Variants in STARD8 observed in about 807,000 individuals in gnomAD.
STARD8 encodes the protein StAR related lipid transfer domain containing 8, also known as stAR-related lipid transfer protein 8.
A neutral mutation model predicts 69.4 loss-of-function variants in STARD8; 25 were observed. That is an observed-to-expected ratio of 0.36 (90% CI 0.26 to 0.50). The LOEUF (loss-of-function observed/expected upper bound fraction) is 0.50, where lower values mean the gene tolerates loss of function less well. STARD8 is among the 20% of genes least tolerant of loss of function. The pLI is 0.96. For synonymous variants in STARD8, 389 were observed against 374.6 expected (o/e 1.04, Z -0.45); for missense variants, 921 against 932.5 (o/e 0.99, Z 0.16).
chrX:68,697,755 A>T (rs1445013657), intron 2 of STARD8, among the ~76,000 whole-genome samples: 1 of 112,185 alleles, frequency 8.9e-6, no homozygotes, highest in Non-Finnish European at 1.9e-5. Context: ...GACTTCCTCC[A>T]TATCCGGGCC....
chrX:68,704,876 G>C (rs756189019), intron 2 of STARD8, among the ~76,000 whole-genome samples: 1 of 111,882 alleles, frequency 8.9e-6, no homozygotes, highest in Non-Finnish European at 1.9e-5. Flanking sequence ...TTCAGACAGA[G>C]GTAATGGCTT....
rs959542103 is a variant in STARD8 at position 68,657,744 on chromosome X, C to T, written c.46-7755C>T. On this transcript the variant is annotated intron_variant, in intron 1 of 14. Transcript: ENST00000374599. ...ACCCCTCTGCCAAATTTGCCTGATC[C>T]GAAGCTCCTAACCCTTGCCCCATCA... Among the ~76,000 whole-genome samples, 10 of 109,740 alleles carry T rather than the reference C, an allele frequency of 9.1e-5. No homozygotes were observed. In the East Asian group the frequency reaches 2.0e-3, roughly 22 times the overall value.
intron 2 of STARD8, among the ~76,000 whole-genome samples, chrX:68,709,263 G>T (rs2080031581): frequency 8.9e-6 from 1 of 112,348 alleles, no homozygotes. Flanking sequence ...AGCAATTGCA[G>T]CCTCTTTGAA....
In STARD8 at chrX:68,722,494, C is replaced by G; in HGVS notation, c.2647C>G (p.Leu883Val). The change falls in exon 12 of 15, where the codon CTG (leucine) becomes GTG (valine). Residue 883 changes from leucine to valine, a missense_variant. Leu to Val is a conservative substitution (Grantham distance 32). Transcript: ENST00000374599. The stretch of plus-strand genomic sequence containing the variant: ...TGAGCTCAGCCCTCCCGGCCCAGCC[C>G]TGGCTGAGCTGCGTCAGGCCCAAGC... ...AAELSPPGPA[L>V]AELRQAQAAG... is the part of the protein sequence containing the mutation. 8.3e-7 allele frequency: 1 copy of G among 1,211,139 alleles called. No homozygotes were observed. Among genetic ancestry groups the G allele is most frequent in the Non-Finnish European group, 1.1e-6 (1 of 895,332 alleles).
At chrX:68,662,769 C>A (rs910426046) in intron 1 of STARD8, among the ~76,000 whole-genome samples, 1 of 111,857 alleles carries the variant, frequency 8.9e-6, no homozygotes, top group Non-Finnish European at 1.9e-5. Flanking sequence ...AATGTGCCCC[C>A]ACTCCCAGCA....
chrX:68,665,355 C>T (rs1226694713), intron 1 of STARD8, 144 bp from the exon 2 acceptor site: 2 of 665,385 alleles, frequency 3.0e-6, no homozygotes, highest in Non-Finnish European at 4.6e-6. Flanking sequence ...TTGCTCCTTA[C>T]TTCATTTTCC....
intron 2 of STARD8, among the ~76,000 whole-genome samples, chrX:68,701,229 G>A (rs1602588957): frequency 8.9e-6 from 1 of 112,641 alleles, no homozygotes; most frequent in Admixed American, 9.3e-5. Flanking sequence ...TAAATTCTTG[G>A]CAAATTTTAA....
rs1422204111 is a variant in STARD8 at position 68,721,115 on chromosome X, C to A, written c.2241C>A (p.Ile747=). 8.3e-7 allele frequency: 1 copy of A among 1,209,969 alleles called. No individual in the cohort carries two copies. Among genetic ancestry groups the A allele is most frequent in the Non-Finnish European group, 1.1e-6 (1 of 895,144 alleles). Reference sequence around the variant, plus strand: ...AGCTCACCACCACTTTCCTCCAGATCTACCAGCGTGAGTCGCCCACTCCTA... The same window carrying A: ...AGCTCACCACCACTTTCCTCCAGATATACCAGCGTGAGTCGCCCACTCCTA... ...TSKLTTTFLQ[I]YQLLPKDQWL... Residue 747 remains isoleucine, a synonymous_variant, in exon 9 of 15, where the codon ATC becomes ATA. Transcript: ENST00000374599.
At chrX:68,693,633 C>G (rs1370723024) in intron 2 of STARD8, 2 of 753,354 alleles carry the variant, frequency 2.7e-6, no homozygotes, top group Non-Finnish European at 3.1e-6. Flanking sequence ...CGCTCCCTCC[C>G]CACTTGAGCT....
In STARD8 at chrX:68,722,578, G is replaced by A. The variant is rs746095521; in HGVS notation, c.2731G>A (p.Ala911Thr). The A allele has an allele frequency of 8.3e-7, 1 of 1,212,013 alleles. No individual in the cohort carries two copies. The highest frequency in any genetic ancestry group is 1.1e-6 in the Non-Finnish European group (1 of 895,622). Residue 911 changes from alanine (A) to threonine (T), a missense_variant, in exon 12 of 15, where the codon GCT becomes ACT. By Grantham distance (58) the Ala-to-Thr change is moderately conservative. Transcript: ENST00000374599. ...GAATATCCAGGACCTGCTGCGTGATGCTGCTGAGCGCTTCAAGGGCTGGAT... is the reference window on the plus strand; with the variant it reads ...GAATATCCAGGACCTGCTGCGTGATACTGCTGAGCGCTTCAAGGGCTGGAT... Reference protein sequence around the residue: ...EENIQDLLRDAAERFKGWMSV... With the variant: ...EENIQDLLRDTAERFKGWMSV...
intron 9 of STARD8, 140 bp from the exon 10 acceptor site, chrX:68,721,396 C>T (rs1429134366): frequency 2.2e-5 from 14 of 649,462 alleles, no homozygotes; most frequent in Non-Finnish European, 2.3e-6. Flanking sequence ...ACCCAGAGAC[C>T]TCACAGAACT....
At chrX:68,701,479 C>T (rs761502626) in intron 2 of STARD8, among the ~76,000 whole-genome samples, 25 of 112,951 alleles carry the variant, frequency 2.2e-4, no homozygotes, top group Admixed American at 1.9e-4. Flanking sequence ...GCTCATCACA[C>T]GCACCAGTGA....
chrX:68,682,688 G>C (rs1454803645), intron 2 of STARD8, among the ~76,000 whole-genome samples: 3 of 112,698 alleles, frequency 2.7e-5, no homozygotes, highest in African/African-American at 9.7e-5. Flanking sequence ...GCTGAGGATA[G>C]AGTCAGGCAC....
chrX:68,650,487 AGGAGG>A (rs1241105863), intron 1 of STARD8, among the ~76,000 whole-genome samples: 1 of 60,574 alleles, frequency 1.7e-5, no homozygotes, highest in African/African-American at 4.7e-4. Flanking sequence ...GGAGGGGAGG[AGGAGG>A]AGGAGGAGGA....
At position 68,691,898 on chromosome X, in the gene STARD8, A is replaced by T. The variant is rs745958197; in HGVS notation, c.80-21016A>T. 8.9e-5 allele frequency among the ~76,000 whole-genome samples: 10 copies of T among 112,782 alleles called. No individual in the cohort carries two copies. In the Admixed American group the frequency reaches 9.4e-4, roughly 11 times the overall value. On this transcript the variant is annotated intron_variant, in intron 2 of 14. Coordinates refer to ENST00000374599, the MANE Select transcript of STARD8 (RefSeq NM_001142503.3). ...TCATTTATTTTTGGTTGTGCTTTGA[A>T]TATCTTTCAACATTTGTTCATTCAT...
intron 1 of STARD8, among the ~76,000 whole-genome samples, chrX:68,660,823 G>T (rs903262666): frequency 2.7e-5 from 3 of 112,594 alleles, no homozygotes; most frequent in Non-Finnish European, 5.6e-5. Flanking sequence ...GCTCCAGAGG[G>T]CTCATGAGAG....
chrX:68,691,949 T>C (rs1256912087), intron 2 of STARD8, among the ~76,000 whole-genome samples: 1 of 112,867 alleles, frequency 8.9e-6, no homozygotes, highest in Non-Finnish European at 1.9e-5. Flanking sequence ...AGGAAAGTAC[T>C]GTAAGCACTG....
At chrX:68,695,926 A>G (rs1434574409) in intron 2 of STARD8, among the ~76,000 whole-genome samples, 1 of 112,094 alleles carries the variant, frequency 8.9e-6, no homozygotes, top group Non-Finnish European at 1.9e-5. Flanking sequence ...GGAAGCTGTC[A>G]CAGCTGCAGC....
chrX:68,652,871 ACCCACACC>A (rs1779023903), intron 1 of STARD8, among the ~76,000 whole-genome samples: 1 of 1,762 alleles, frequency 5.7e-4, no homozygotes, highest in Non-Finnish European at 1.0e-3. Context: ...ACACACACAC[ACCCACACC>A]CCACACACAC....
Sources: gnomAD v4.1 joint callset for allele counts (sites outside exome capture counted in the v4.1 genomes callset) on GRCh38, gnomAD v4.1.1 for gene constraint, MANE v1.5 for transcripts, NCBI Gene and HGNC (gene_info 2026-07-23, HGNC 2026-07-21) for gene names.